The following SPATA13 variants were observed in gnomAD, a reference collection of about 807,000 sequenced individuals.
SPATA13 encodes the protein spermatogenesis-associated protein 13.
A neutral mutation model predicts 104.0 loss-of-function variants in SPATA13; 50 were observed. That is an observed-to-expected ratio of 0.48 (90% CI 0.38 to 0.61). The LOEUF is 0.61. SPATA13 is among the 20% of genes least tolerant of loss of function. The probability of loss-of-function intolerance (pLI) is 0.00; values close to 1 mark genes in which losing one functional copy is unlikely to be tolerated. For missense variants in SPATA13, 1,524 were observed against 1,690.6 expected (o/e 0.90, Z 1.73); for synonymous variants, 606 against 667.5 (o/e 0.91, Z 1.42).
intron 3 of SPATA13, among the ~76,000 whole-genome samples, chr13:24,127,350 A>G (rs1225444455): frequency 2.6e-5 from 4 of 152,238 alleles, no homozygotes; most frequent in Admixed American, 2.6e-4. Context: ...CAATGACACC[A>G]GCAGGGAGGA....
intron 1 of SPATA13, among the ~76,000 whole-genome samples, chr13:24,185,168 G>A (rs1379775359): frequency 6.6e-6 from 1 of 152,186 alleles, no homozygotes; most frequent in Non-Finnish European, 1.5e-5. Context: ...GTTCCCCTGT[G>A]ACGTATTTTT....
rs187017410 is a variant in SPATA13, at chr13:24,070,929, C to T, written c.-112+53228C>T. On this transcript the variant is annotated intron_variant, in intron 3 of 14. Transcript: ENST00000424834. Reference sequence around the variant, plus strand: ...CTCCCAGGTTTCCAGGCTGCCAACTCGTGCTGCAGATCTTAGGACGTGCTG... The same window carrying T: ...CTCCCAGGTTTCCAGGCTGCCAACTTGTGCTGCAGATCTTAGGACGTGCTG... 5.9e-5 allele frequency among the ~76,000 whole-genome samples: 9 copies of T among 152,292 alleles called. No individual in the cohort carries two copies. The South Asian group carries it at 8.3e-4, about 14-fold the overall frequency.
At position 24,278,950 on chromosome 13, in the gene SPATA13, CTCCT is replaced by C. The variant is rs150971730; in HGVS notation, c.2165-5173_2165-5170del. On this transcript the variant is annotated intron_variant, in intron 4 of 12. Coordinates refer to ENST00000382108, the MANE Select transcript of SPATA13 (RefSeq NM_001166271.3). ...CCTCTTTCCTTCCTTCCTTCCTTCC[CTCCT>C]TCCTTCCTTCCCTCCTTCCCTCCCT... 2.5e-5 allele frequency: 16 copies of C among 644,912 alleles called. 1 individual carries two copies. The highest frequency in any genetic ancestry group is 5.4e-5 in the Admixed American group (1 of 18,612). The allele number at this position is 644,912 out of a possible 1,614,324, so 39.9% of individuals were successfully genotyped here.
chr13:24,202,506 C>CTTTCT (rs1870468145), intron 1 of SPATA13, among the ~76,000 whole-genome samples: 1 of 124,644 alleles, frequency 8.0e-6, no homozygotes, highest in Non-Finnish European at 1.7e-5. Flanking sequence ...GACCTGTTTG[C>CTTTCT]TTTCTTTCTT....
At chr13:24,163,529 G>A (rs1167241799) in intron 1 of SPATA13, among the ~76,000 whole-genome samples, 1 of 152,174 alleles carries the variant, frequency 6.6e-6, no homozygotes, top group Non-Finnish European at 1.5e-5. Flanking sequence ...GACTGTATGA[G>A]TCTTATTTAT....
chr13:24,277,493 G>A lies in SPATA13; in HGVS notation c.2165-6642G>A, dbSNP rs1220388375. Among the ~76,000 whole-genome samples the A allele has an allele frequency of 4.8e-5, 7 of 145,834 alleles. No individual in the cohort carries two copies. In the East Asian group the frequency reaches 1.2e-3, roughly 24 times the overall value. On this transcript the variant is annotated intron_variant, in intron 4 of 12. Coordinates refer to ENST00000382108, the MANE Select transcript of SPATA13 (RefSeq NM_001166271.3). Reference sequence around the variant, plus strand: ...AGTTCACCTTGGAAGTAATATATAGGATGGCTTGGGGAGGGAAACAGAGTC... The same window carrying A: ...AGTTCACCTTGGAAGTAATATATAGAATGGCTTGGGGAGGGAAACAGAGTC...
At chr13:24,060,305 G>A (rs1192175821) in intron 3 of SPATA13, among the ~76,000 whole-genome samples, 2 of 152,174 alleles carry the variant, frequency 1.3e-5, no homozygotes, top group Non-Finnish European at 2.9e-5. Context: ...TCTGATCTTT[G>A]ACAAAGCTGA....
chr13:24,183,907 C>T (rs1414939574), intron 1 of SPATA13, among the ~76,000 whole-genome samples: 3 of 152,098 alleles, frequency 2.0e-5, no homozygotes, highest in Non-Finnish European at 4.4e-5. Context: ...TCAGACACAG[C>T]GTCACATGGT....
intron 3 of SPATA13, among the ~76,000 whole-genome samples, chr13:24,147,268 A>G (rs1298526135): frequency 6.6e-6 from 1 of 152,232 alleles, no homozygotes; most frequent in Non-Finnish European, 1.5e-5. Flanking sequence ...GAAAGGAGAT[A>G]GAATGATGAC....
chr13:24,025,495 G>T (rs1220434115), intron 3 of SPATA13, among the ~76,000 whole-genome samples: 1 of 152,130 alleles, frequency 6.6e-6, no homozygotes, highest in East Asian at 1.9e-4. Flanking sequence ...TTTAGGATTT[G>T]CTGGGTCATA....
chr13:24,211,609 T>C (rs1373281159), intron 1 of SPATA13, among the ~76,000 whole-genome samples: 1 of 152,186 alleles, frequency 6.6e-6, no homozygotes, highest in East Asian at 1.9e-4. Flanking sequence ...CCCAGCCTGA[T>C]GGTGGGAATC....
intron 2 of SPATA13, among the ~76,000 whole-genome samples, chr13:24,248,880 T>A (rs1212811902): frequency 8.3e-6 from 1 of 120,676 alleles, no homozygotes; most frequent in African/African-American, 2.5e-5. Flanking sequence ...TGGTGCTGAT[T>A]TTCTTTTTTT....
intron 3 of SPATA13, among the ~76,000 whole-genome samples, chr13:24,099,787 A>G (rs1173299376): frequency 6.6e-6 from 1 of 152,222 alleles, no homozygotes; most frequent in African/African-American, 2.4e-5. Context: ...GTTTTTTTAA[A>G]CAGATAAACC....
chr13:24,234,723 G>T (rs1043611147), intron 2 of SPATA13, among the ~76,000 whole-genome samples: 1 of 152,146 alleles, frequency 6.6e-6, no homozygotes, highest in Non-Finnish European at 1.5e-5. Context: ...ATAGAGAGAG[G>T]GGCCCTGTGG....
At chr13:24,075,373 A>G (rs1879292292) in intron 3 of SPATA13, among the ~76,000 whole-genome samples, 1 of 152,262 alleles carries the variant, frequency 6.6e-6, no homozygotes, top group African/African-American at 2.4e-5. Context: ...TGTTGGCTGA[A>G]ATAATGAATA....
intron 3 of SPATA13, among the ~76,000 whole-genome samples, chr13:24,020,445 A>G (rs564124788): frequency 6.6e-6 from 1 of 152,348 alleles, no homozygotes; most frequent in South Asian, 2.1e-4. Context: ...TTAAAAGCAG[A>G]TTCACAATCC....
chr13:24,002,835 C>T (rs557474370), intron 2 of SPATA13, among the ~76,000 whole-genome samples: 1 of 152,328 alleles, frequency 6.6e-6, no homozygotes, highest in East Asian at 1.9e-4. Context: ...CTCTGTCTTT[C>T]CCCATACACA....
chr13:23,993,220 C>A (rs2137662272), intron 2 of SPATA13, among the ~76,000 whole-genome samples: 1 of 152,372 alleles, frequency 6.6e-6, no homozygotes, highest in Non-Finnish European at 1.5e-5. Context: ...CACTTTGCAA[C>A]TGCAGAATCA....
intron 1 of SPATA13, among the ~76,000 whole-genome samples, chr13:24,221,424 C>T (rs1323054752): frequency 6.6e-6 from 1 of 152,130 alleles, no homozygotes; most frequent in East Asian, 1.9e-4. Context: ...GGGGCTGAGA[C>T]ATGTAGGCTA....
Sources: allele counts gnomAD v4.1 joint callset (sites outside exome capture counted in the v4.1 genomes callset), GRCh38; gene constraint gnomAD v4.1.1; transcripts MANE v1.5; gene names NCBI Gene and HGNC (gene_info 2026-07-23, HGNC 2026-07-21).